Variants in SHOX2 observed in about 807,000 individuals in gnomAD.
SHOX2 encodes the protein short stature homeobox protein 2.
In SHOX2, 13 loss-of-function variants were observed where a neutral mutation model predicts 31.3. The ratio of observed to expected loss-of-function variants is 0.42; its 90% CI spans 0.27 to 0.66. The LOEUF is 0.66. SHOX2 is among the 30% of genes least tolerant of loss of function. The probability of loss-of-function intolerance (pLI) is 0.27; values close to 1 mark genes in which losing one functional copy is unlikely to be tolerated. For synonymous variants in SHOX2, 244 were observed against 196.2 expected, an observed-to-expected ratio of 1.24 and a Z score of -2.04; for missense variants, 473 against 443.0, an observed-to-expected ratio of 1.07 and a Z score of -0.61.
chr3:158,100,583 C>T (rs916795633), intron 2 of SHOX2, among the ~76,000 whole-genome samples: 2 of 152,180 alleles, frequency 1.3e-5, no homozygotes, highest in African/African-American at 4.8e-5. Context: ...TCCCCATGGC[C>T]TAAAACTCTG....
intron 4 of SHOX2, among the ~76,000 whole-genome samples, chr3:158,099,305 G>A (rs773784326): frequency 2.1e-4 from 32 of 152,234 alleles, no homozygotes; most frequent in Admixed American, 6.5e-5. Context: ...ATGGCTAAGG[G>A]ATTGCAAAGG....
At chr3:158,105,320 C>A (rs904673152) in intron 1 of SHOX2, 3 of 593,350 alleles carry the variant, frequency 5.1e-6, no homozygotes, top group East Asian at 2.8e-5. Flanking sequence ...TTCAGCACCC[C>A]CTCCTGCAGC....
intron 2 of SHOX2, among the ~76,000 whole-genome samples, chr3:158,101,731 C>G (rs919141489): frequency 6.6e-6 from 1 of 152,242 alleles, no homozygotes; most frequent in Admixed American, 6.5e-5. Flanking sequence ...TGCAGATGTG[C>G]GGGCCTAAAA....
At chr3:158,099,815 G>T in intron 4 of SHOX2, 45 bp downstream of exon 4, 1 of 1,366,684 alleles carries the variant, frequency 7.3e-7, no homozygotes. Flanking sequence ...CAAACATTCA[G>T]GTATTTTCAT....
Position 158,097,964 on chromosome 3 carries a change from G to C in SHOX2, c.*63C>G, listed in dbSNP as rs1362109648. ...CAAAGGGGTAACGGAGAAGCAGCGG[G>C]GCGCGGAGGGCGTGCAGGCTGAGTG... On this transcript the variant is annotated 3_prime_UTR_variant, in exon 5 of 5. Coordinates refer to ENST00000483851, the MANE Select transcript of SHOX2 (RefSeq NM_001163678.2). 1.7e-5 allele frequency: 26 copies of C among 1,533,162 alleles called. No individual in the cohort carries two copies. Among genetic ancestry groups the C allele is most frequent in the Non-Finnish European group, 1.9e-5 (22 of 1,140,868 alleles). 95.0% of individuals were successfully genotyped at this position (1,533,162 alleles called of 1,614,324 possible). A position where few individuals can be genotyped will look rare whatever the true frequency, so the allele number is the denominator to read the frequency against.
In SHOX2 at chr3:158,097,038, A is replaced by C. The variant is rs1401861173; in HGVS notation, c.*989T>G. ...AAAATGGAGTGAGTGCATGGGAGATAAGGGGGTGGGAGGAGACACACCATC... is the reference window on the plus strand; with the variant it reads ...AAAATGGAGTGAGTGCATGGGAGATCAGGGGGTGGGAGGAGACACACCATC... On this transcript the variant is annotated 3_prime_UTR_variant, in exon 5 of 5. Coordinates refer to ENST00000483851, the MANE Select transcript of SHOX2 (RefSeq NM_001163678.2). 6.7e-6 allele frequency: 1 copy of C among 150,224 alleles called. No homozygotes were observed. The highest frequency in any genetic ancestry group is 6.6e-5 in the Admixed American group (1 of 15,046). 9.3% of individuals were successfully genotyped at this position (150,224 alleles called of 1,614,324 possible). A position where few individuals can be genotyped will look rare whatever the true frequency, so the allele number is the denominator to read the frequency against.
rs188350039 is a variant in SHOX2, at chr3:158,099,342, T to G, written c.702+518A>C. Reference sequence around the variant, plus strand: ...AGGGCAGCCCTGGGAAGACCAAGACTTCTCTCTTTACCAGAGATGAAGCTT... The same window carrying G: ...AGGGCAGCCCTGGGAAGACCAAGACGTCTCTCTTTACCAGAGATGAAGCTT... On this transcript the variant is annotated intron_variant, in intron 4 of 4. Transcript: ENST00000483851. Among the ~76,000 whole-genome samples, 545 of 152,388 alleles carry G rather than the reference T, an allele frequency of 3.6e-3. 2 individuals carry two copies. The highest frequency in any genetic ancestry group is 0.012 in the African/African-American group (506 of 41,586).
intron 1 of SHOX2, 140 bp from the exon 2 acceptor site, chr3:158,103,026 G>T: frequency 1.2e-6 from 1 of 820,248 alleles, no homozygotes; most frequent in Non-Finnish European, 2.0e-6. Context: ...CTTCCCCCTC[G>T]TGGAATCCTG....
chr3:158,102,553 T>C (rs1713558175), intron 2 of SHOX2, 125 bp downstream of exon 2: 3 of 726,990 alleles, frequency 4.1e-6, no homozygotes, highest in East Asian at 2.6e-5. Flanking sequence ...AGTAAAGATA[T>C]CTCTTTCCTT....
intron 3 of SHOX2, 61 bp downstream of exon 3, chr3:158,100,193 T>C: frequency 7.6e-7 from 1 of 1,313,820 alleles, no homozygotes; most frequent in South Asian, 1.3e-5. Context: ...ATTGTAATAG[T>C]AATATTCACT....
chr3:158,100,322 GA>G lies in SHOX2; in HGVS notation c.556-12del. 6.3e-7 allele frequency: 1 copy of G among 1,576,310 alleles called. No individual in the cohort carries two copies. The highest frequency in any genetic ancestry group is 1.4e-5 in the African/African-American group (1 of 72,442). ...ATTTTGAAACCAAACCTATAGGTTG[GA>G]GGGGGAAAAAAAATAAAACCTAGAT... is the stretch of plus-strand genomic sequence containing the variant. On this transcript the variant is annotated splice_polypyrimidine_tract_variant and intron_variant, in intron 2 of 4. Coordinates refer to ENST00000483851, the MANE Select transcript of SHOX2 (RefSeq NM_001163678.2).
At position 158,100,045 on chromosome 3, in the gene SHOX2, T is replaced by C. The variant is rs1318136842; in HGVS notation, c.614-97A>G. The C allele has an allele frequency of 1.6e-5, 17 of 1,095,684 alleles. No homozygotes were observed. The Admixed American group carries it at 3.8e-4, about 24-fold the overall frequency. The allele number at this position is 1,095,684 out of a possible 1,614,324, so 67.9% of individuals were successfully genotyped here. On this transcript the variant is annotated intron_variant, in intron 3 of 4. Transcript: ENST00000483851. Reference sequence around the variant, plus strand: ...AAGACAGAACGAATTCCTTTGAAAATGGACTATTATCTTTCTAAACTGCAT... The same window carrying C: ...AAGACAGAACGAATTCCTTTGAAAACGGACTATTATCTTTCTAAACTGCAT...
chr3:158,106,155 GGGA>G lies in SHOX2; in HGVS notation c.-134_-132del, dbSNP rs1713921217. Reference sequence around the variant, plus strand: ...ATGGGACAGGAGGTGGGGGAGGAGAGGGAGGAGGAGAAAGAAGAAGAAAAAGAG... The same window carrying G: ...ATGGGACAGGAGGTGGGGGAGGAGAGGGAGGAGAAAGAAGAAGAAAAAGAG... On this transcript the variant is annotated 5_prime_UTR_variant, in exon 1 of 5. Coordinates refer to ENST00000483851, the MANE Select transcript of SHOX2 (RefSeq NM_001163678.2). The G allele has an allele frequency of 3.5e-6, 5 of 1,413,024 alleles. No homozygotes were observed. Among genetic ancestry groups the G allele is most frequent in the African/African-American group, 1.5e-5 (1 of 66,070 alleles). The allele number at this position is 1,413,024 out of a possible 1,614,324, so 87.5% of individuals were successfully genotyped here.
At position 158,096,906 on chromosome 3, in the gene SHOX2, A is replaced by ATATG. The variant is rs1713130857; in HGVS notation, c.*1120_*1121insCATA. 9.4e-6 allele frequency: 1 copy of ATATG among 106,206 alleles called. No individual in the cohort carries two copies. The highest frequency in any genetic ancestry group is 2.9e-4 in the South Asian group (1 of 3,430). 6.6% of individuals were successfully genotyped at this position (106,206 alleles called of 1,614,324 possible). On this transcript the variant is annotated 3_prime_UTR_variant, in exon 5 of 5. Coordinates refer to ENST00000483851, the MANE Select transcript of SHOX2 (RefSeq NM_001163678.2). ...ACAGGGCAAATATATATATATATATATATATATATATATATATATATATAT... is the reference window on the plus strand; with the variant it reads ...ACAGGGCAAATATATATATATATATATATGTATATATATATATATATATATATAT...
chr3:158,099,995 C>A, intron 3 of SHOX2, 47 bp from the exon 4 acceptor site: 3 of 1,526,646 alleles, frequency 2.0e-6, no homozygotes, highest in Non-Finnish European at 2.7e-6. Context: ...ACGTTTGTAG[C>A]ATTTTTCAGG....
chr3:158,105,648 A>C (rs1218375810), intron 1 of SHOX2, 31 bp downstream of exon 1: 5 of 1,508,618 alleles, frequency 3.3e-6, no homozygotes, highest in Middle Eastern at 1.7e-4. Flanking sequence ...CGGGAAGGGG[A>C]ACCGCTGCCG....
At chr3:158,105,044 C>G (rs1158171381) in intron 1 of SHOX2, 4 of 494,814 alleles carry the variant, frequency 8.1e-6, no homozygotes, top group South Asian at 1.6e-5. Context: ...CCCCCCCCCC[C>G]GCCCCCAACA....
Position 158,105,932 on chromosome 3 carries a change from G to T in SHOX2, c.93C>A (p.Ser31Arg). ...GCTCCTTGGCCCCGCGCAGCGGCCC[G>T]CTCTCCAGCACCTCCCGGTACGTGA... is the stretch of plus-strand genomic sequence containing the variant. ...EAITYREVLESGPLRGAKEPT... is the reference protein window; with the variant it reads ...EAITYREVLERGPLRGAKEPT... Residue 31 changes from serine to arginine, a missense_variant, in exon 1 of 5, where the codon AGC becomes AGA. By Grantham distance (110) the Ser-to-Arg change is moderately radical. Coordinates refer to ENST00000483851, the MANE Select transcript of SHOX2 (RefSeq NM_001163678.2). 19 of 1,606,346 alleles carry T rather than the reference G, an allele frequency of 1.2e-5. No homozygotes were observed. Among genetic ancestry groups the T allele is most frequent in the Non-Finnish European group, 1.5e-5 (18 of 1,176,676 alleles).
chr3:158,097,809 C>T lies in SHOX2; in HGVS notation c.*218G>A. ...CTAGGCCCTCGAGTAGGAAAACGGG[C>T]AGGAGCCACGGAGCCTGCGTGCCTC... On this transcript the variant is annotated 3_prime_UTR_variant, in exon 5 of 5. Transcript: ENST00000483851. The T allele has an allele frequency of 3.2e-6, 2 of 634,112 alleles. No homozygotes were observed. The highest frequency in any genetic ancestry group is 2.8e-5 in the East Asian group (1 of 35,402). The allele number at this position is 634,112 out of a possible 1,614,324, so 39.3% of individuals were successfully genotyped here.
Sources: allele counts gnomAD v4.1 joint callset (sites outside exome capture counted in the v4.1 genomes callset), GRCh38; gene constraint gnomAD v4.1.1; transcripts MANE v1.5; gene names NCBI Gene and HGNC (gene_info 2026-07-23, HGNC 2026-07-21).